The following AFF1 variants were observed in gnomAD, a reference collection of about 807,000 sequenced individuals.
AFF1 encodes AF4/FMR2 family member 1.
A neutral mutation model predicts 121.7 loss-of-function variants in AFF1; 48 were observed. The observed-to-expected ratio is 0.39, with a 90% CI of 0.31 to 0.50. AFF1 has a LOEUF of 0.50. AFF1 is among the 20% of genes least tolerant of loss of function. AFF1 has a pLI of 0.76. For missense variants in AFF1, 1,523 were observed against 1,511.7 expected (o/e 1.01, Z -0.12); for synonymous variants, 613 against 563.0 (o/e 1.09, Z -1.26).
At position 86,999,975 on chromosome 4, in the gene AFF1, C is replaced by G. The variant is rs1010444240; in HGVS notation, c.39-46191C>G. Among the ~76,000 whole-genome samples, 3 of 152,020 alleles carry G rather than the reference C, an allele frequency of 2.0e-5. No homozygotes were observed. The South Asian group carries it at 6.2e-4, about 32-fold the overall frequency. ...GTAGTAACAGAAAGGAAAGGGTGCT[C>G]GAAACACAAAAGGATGGGGCATGTC... On this transcript the variant is annotated intron_variant, in intron 2 of 20. Coordinates refer to ENST00000395146, the MANE Select transcript of AFF1 (RefSeq NM_001166693.3).
At chr4:86,940,639 A>T (rs1720388131) in intron 1 of AFF1, among the ~76,000 whole-genome samples, 1 of 151,986 alleles carries the variant, frequency 6.6e-6, no homozygotes. Flanking sequence ...ACCTCAGATG[A>T]TCCACCCGCC....
At chr4:87,031,550 A>G (rs1440164362) in intron 2 of AFF1, among the ~76,000 whole-genome samples, 2 of 151,578 alleles carry the variant, frequency 1.3e-5, no homozygotes, top group East Asian at 3.9e-4. Context: ...GTCAATGTTT[A>G]CTGGAAATCA....
chr4:87,117,749 G>A (rs140347367), intron 12 of AFF1, among the ~76,000 whole-genome samples: 8 of 152,284 alleles, frequency 5.3e-5, no homozygotes, highest in Non-Finnish European at 1.0e-4. Context: ...TTATTTCTTC[G>A]TCAGAGAATC....
At chr4:86,956,626 C>G (rs1721759701) in intron 2 of AFF1, among the ~76,000 whole-genome samples, 1 of 152,134 alleles carries the variant, frequency 6.6e-6, no homozygotes, top group Non-Finnish European at 1.5e-5. Flanking sequence ...AACTATTAAT[C>G]CTCAATAATT....
intron 2 of AFF1, among the ~76,000 whole-genome samples, chr4:86,960,934 A>C (rs941150136): frequency 1.3e-5 from 2 of 152,198 alleles, no homozygotes; most frequent in Admixed American, 1.3e-4. Context: ...CATGTTTAGT[A>C]ATCACCTTCT....
chr4:86,935,090 C>T lies in AFF1; in HGVS notation c.-187C>T, dbSNP rs946543096. The T allele has an allele frequency of 2.0e-5, 3 of 152,190 alleles. No individual in the cohort carries two copies. Among genetic ancestry groups the T allele is most frequent in the South Asian group, 4.1e-4 (2 of 4,836 alleles). 9.4% of individuals were successfully genotyped at this position (152,190 alleles called of 1,614,324 possible). On this transcript the variant is annotated 5_prime_UTR_variant, in exon 1 of 21. Transcript: ENST00000395146. ...GCGCGCGTTGCGGCCGCAGCTGCACCTTTGCCTCCGCGGTTCCGCAGCCGA... is the reference window on the plus strand; with the variant it reads ...GCGCGCGTTGCGGCCGCAGCTGCACTTTTGCCTCCGCGGTTCCGCAGCCGA...
At chr4:87,090,165 A>C in intron 6 of AFF1, 95 bp downstream of exon 6, 1 of 980,514 alleles carries the variant, frequency 1.0e-6, no homozygotes, top group Non-Finnish European at 1.5e-6. Flanking sequence ...TACTTGTTCA[A>C]ATCTTTGGAA....
chr4:87,077,118 G>A (rs1722746505), intron 4 of AFF1, among the ~76,000 whole-genome samples: 1 of 152,188 alleles, frequency 6.6e-6, no homozygotes, highest in Admixed American at 6.5e-5. Context: ...TTCTCACTAT[G>A]TAAGTATGAC....
intron 13 of AFF1, 45 bp downstream of exon 13, chr4:87,125,188 C>G: frequency 2.8e-6 from 4 of 1,443,642 alleles, no homozygotes; most frequent in Non-Finnish European, 3.8e-6. Context: ...GTGATCAACA[C>G]TTCTTGGGTC....
chr4:86,946,197 TTG>T, intron 1 of AFF1, among the ~76,000 whole-genome samples: 1 of 152,262 alleles, frequency 6.6e-6, no homozygotes, highest in Middle Eastern at 3.4e-3. Context: ...TGCTCAAATG[TTG>T]TGTTCTCTGA....
chr4:86,962,079 C>T (rs185529725), intron 2 of AFF1, among the ~76,000 whole-genome samples: 3 of 151,624 alleles, frequency 2.0e-5, no homozygotes, highest in Admixed American at 2.0e-4. Context: ...AGGACAAAGC[C>T]AGGGAGTTGA....
At chr4:87,052,553 G>A (rs431836) in intron 4 of AFF1, among the ~76,000 whole-genome samples, 20,425 of 152,110 alleles carry the variant, frequency 0.13, 1,861 homozygotes, top group Middle Eastern at 0.23. Context: ...TTTGTTGGCC[G>A]TGAAAGGCAT....
At chr4:87,018,765 T>G (rs1421697288) in intron 2 of AFF1, among the ~76,000 whole-genome samples, 2 of 152,378 alleles carry the variant, frequency 1.3e-5, no homozygotes, top group Non-Finnish European at 2.9e-5. Flanking sequence ...CATAACAACC[T>G]AGCTATGAAC....
intron 2 of AFF1, among the ~76,000 whole-genome samples, chr4:87,027,692 T>A (rs890962804): frequency 2.0e-4 from 31 of 152,138 alleles, no homozygotes; most frequent in African/African-American, 6.8e-4. Flanking sequence ...GTAAAAAGCC[T>A]TATTCTCAGA....
At chr4:86,984,458 A>C (rs1724049093) in intron 2 of AFF1, among the ~76,000 whole-genome samples, 1 of 151,236 alleles carries the variant, frequency 6.6e-6, no homozygotes, top group African/African-American at 2.4e-5. Context: ...CGAGTAGCTG[A>C]GACTAGGCGC....
chr4:86,972,082 G>A (rs1304607618), intron 2 of AFF1, among the ~76,000 whole-genome samples: 3 of 139,264 alleles, frequency 2.2e-5, no homozygotes, highest in African/African-American at 8.0e-5. Flanking sequence ...AGGCTCCTGT[G>A]AGCTGTGATT....
At chr4:87,107,496 A>C (rs545011293) in intron 10 of AFF1, among the ~76,000 whole-genome samples, 1 of 152,306 alleles carries the variant, frequency 6.6e-6, no homozygotes, top group African/African-American at 2.4e-5. Context: ...TCCGTTTTGT[A>C]GTTCTTCCAG....
chr4:87,118,667 G>A (rs1727363256), intron 12 of AFF1, among the ~76,000 whole-genome samples: 2 of 151,930 alleles, frequency 1.3e-5, no homozygotes, highest in Admixed American at 1.3e-4. Flanking sequence ...TTTATTTTTT[G>A]TAGAGATGGG....
chr4:87,061,437 C>A (rs369448040), intron 4 of AFF1, among the ~76,000 whole-genome samples: 2 of 152,200 alleles, frequency 1.3e-5, no homozygotes, highest in African/African-American at 4.8e-5. Context: ...TCTCTTACTC[C>A]CTTGTTCTCC....
Sources: allele counts gnomAD v4.1 joint callset (sites outside exome capture counted in the v4.1 genomes callset), GRCh38; gene constraint gnomAD v4.1.1; transcripts MANE v1.5; gene names NCBI Gene and HGNC (gene_info 2026-07-23, HGNC 2026-07-21).